Variants in NCALD observed in about 807,000 individuals in gnomAD.
The protein encoded by NCALD is neurocalcin-delta.
In NCALD, 10 loss-of-function variants were observed where a neutral mutation model predicts 18.6. The ratio of observed to expected loss-of-function variants is 0.54; its 90% CI spans 0.33 to 0.91. NCALD has a LOEUF of 0.91. NCALD is among the 40% of genes least tolerant of loss of function. The pLI is 0.03. For missense variants in NCALD, 184 were observed against 247.6 expected (o/e 0.74, Z 1.72); for synonymous variants, 88 against 87.4 (o/e 1.01, Z -0.04).
intron 1 of NCALD, among the ~76,000 whole-genome samples, chr8:102,086,953 A>G (rs944494622): frequency 3.3e-5 from 5 of 152,240 alleles, no homozygotes; most frequent in African/African-American, 1.2e-4. Context: ...GACAGTTTAC[A>G]GATGCCATGG....
At chr8:101,752,573 G>C (rs1810704352) in intron 1 of NCALD, among the ~76,000 whole-genome samples, 1 of 152,124 alleles carries the variant, frequency 6.6e-6, no homozygotes, top group East Asian at 1.9e-4. Flanking sequence ...CAGGAGTGGT[G>C]GTCAAATAAC....
intron 4 of NCALD, among the ~76,000 whole-genome samples, chr8:101,841,504 A>G (rs1162667476): frequency 6.6e-6 from 1 of 152,164 alleles, no homozygotes; most frequent in African/African-American, 2.4e-5. Flanking sequence ...AGGTGCCAAT[A>G]GCAACTCCCC....
chr8:101,723,157 A>G (rs9297308), intron 1 of NCALD, among the ~76,000 whole-genome samples: 83,534 of 152,080 alleles, frequency 0.55, 26,500 homozygotes, highest in African/African-American at 0.87. Flanking sequence ...GGAGACAAAA[A>G]TTGCACCTTG....
At chr8:101,717,988 C>G (rs955766786) in intron 2 of NCALD, among the ~76,000 whole-genome samples, 1 of 152,260 alleles carries the variant, frequency 6.6e-6, no homozygotes, top group South Asian at 2.1e-4. Context: ...TTGGAAGTCA[C>G]CTCGGGATGC....
intron 3 of NCALD, among the ~76,000 whole-genome samples, chr8:101,889,862 T>C (rs369382617): frequency 1.3e-5 from 2 of 152,194 alleles, no homozygotes; most frequent in East Asian, 3.8e-4. Context: ...TACCCAAAGA[T>C]TAATTCCAGA....
chr8:101,733,962 G>A (rs1266474225), intron 1 of NCALD, among the ~76,000 whole-genome samples: 4 of 152,194 alleles, frequency 2.6e-5, no homozygotes, highest in Non-Finnish European at 5.9e-5. Context: ...GGGCTGAGGA[G>A]GCTGTGGCTC....
At position 101,688,652 on chromosome 8, in the gene NCALD, C is replaced by A. The variant is rs143664729; in HGVS notation, c.*657G>T. The A allele has an allele frequency of 3.3e-3, 1,505 of 460,978 alleles. 4 individuals are homozygous for A. The highest frequency in any genetic ancestry group is 4.9e-3 in the Middle Eastern group (15 of 3,080). The allele number at this position is 460,978 out of a possible 1,614,324, so 28.6% of individuals were successfully genotyped here. The stretch of plus-strand genomic sequence containing the variant: ...TATGTTACCATTTGTGTTTAATTTC[C>A]AAAGACACGCATATTAGCTCAACTA... On this transcript the variant is annotated 3_prime_UTR_variant, in exon 4 of 4. Coordinates refer to ENST00000220931, the MANE Select transcript of NCALD (RefSeq NM_032041.3).
At chr8:101,755,669 G>A (rs1446792914) in intron 1 of NCALD, among the ~76,000 whole-genome samples, 7 of 152,192 alleles carry the variant, frequency 4.6e-5, no homozygotes, top group African/African-American at 1.7e-4. Flanking sequence ...TAAAAAGCCA[G>A]GGAAATACAT....
chr8:101,690,455 C>T (rs1814674652), intron 3 of NCALD: 1 of 985,474 alleles, frequency 1.0e-6, no homozygotes, highest in Non-Finnish European at 1.2e-6. Flanking sequence ...CTCTGCACGC[C>T]TGTGGGTTTT....
chr8:101,732,055 A>G (rs532531265), intron 1 of NCALD, among the ~76,000 whole-genome samples: 1 of 152,344 alleles, frequency 6.6e-6, no homozygotes, highest in South Asian at 2.1e-4. Flanking sequence ...GCTGGACCAG[A>G]GCAGGCTGCA....
chr8:101,762,849 G>A (rs886772421), intron 1 of NCALD, among the ~76,000 whole-genome samples: 1 of 152,200 alleles, frequency 6.6e-6, no homozygotes, highest in African/African-American at 2.4e-5. Flanking sequence ...TGGGATTACA[G>A]GCATGAGCCA....
chr8:101,966,981 T>C (rs1820055661), intron 2 of NCALD, among the ~76,000 whole-genome samples: 1 of 152,154 alleles, frequency 6.6e-6, no homozygotes, highest in Non-Finnish European at 1.5e-5. Flanking sequence ...AAATAATATA[T>C]ATTCATGATG....
At chr8:101,784,486 T>A (rs763843582) in intron 1 of NCALD, among the ~76,000 whole-genome samples, 20 of 152,162 alleles carry the variant, frequency 1.3e-4, no homozygotes, top group Non-Finnish European at 2.2e-4. Context: ...CACCTCCTGA[T>A]GGAGAGGAGC....
At position 101,725,421 on chromosome 8, in the gene NCALD, G is replaced by A. The variant is rs144044532; in HGVS notation, c.-19-5773C>T. ...TCCCCTTTCCAGCTTCCCTTCTGGT[G>A]AGAGCTGCTTCTACTGCTTAATAAA... is the stretch of plus-strand genomic sequence containing the variant. On this transcript the variant is annotated intron_variant, in intron 1 of 3. Transcript: ENST00000220931. 1.5e-3 allele frequency among the ~76,000 whole-genome samples: 234 copies of A among 152,310 alleles called. 1 individual carries two copies. The highest frequency in any genetic ancestry group is 2.7e-3 in the Non-Finnish European group (181 of 68,032).
intron 2 of NCALD, among the ~76,000 whole-genome samples, chr8:101,928,873 A>C (rs927053771): frequency 3.3e-5 from 5 of 152,148 alleles, no homozygotes; most frequent in African/African-American, 1.2e-4. Flanking sequence ...TATTAGATAC[A>C]AAAACACTGT....
rs563981326 is a variant in NCALD, at chr8:101,690,529, C to T, written c.485-1123G>A. The T allele has an allele frequency of 1.1e-5, 11 of 985,398 alleles. No individual in the cohort carries two copies. The South Asian group carries it at 4.7e-4, about 42-fold the overall frequency. The allele number at this position is 985,398 out of a possible 1,614,324, so 61.0% of individuals were successfully genotyped here. A position where few individuals can be genotyped will look rare whatever the true frequency, so the allele number is the denominator to read the frequency against. On this transcript the variant is annotated intron_variant, in intron 3 of 3. Transcript: ENST00000220931. Reference sequence around the variant, plus strand: ...CCAGTATCTATCTTTTGACCTCTGTCCTCTTTTATTTCTCAACTTACTCCA... The same window carrying T: ...CCAGTATCTATCTTTTGACCTCTGTTCTCTTTTATTTCTCAACTTACTCCA...
At chr8:102,042,949 A>G (rs1823105627) in intron 1 of NCALD, among the ~76,000 whole-genome samples, 1 of 151,874 alleles carries the variant, frequency 6.6e-6, no homozygotes, top group Non-Finnish European at 1.5e-5. Flanking sequence ...GGCTCCCCTT[A>G]TCTTTCCATT....
At chr8:102,116,354 T>G (rs990243550) in intron 1 of NCALD, among the ~76,000 whole-genome samples, 1 of 152,202 alleles carries the variant, frequency 6.6e-6, no homozygotes, top group African/African-American at 2.4e-5. Flanking sequence ...AGGGGCACCG[T>G]AACAGAGTCA....
At chr8:101,704,148 A>G (rs11787002) in intron 2 of NCALD, among the ~76,000 whole-genome samples, 68,837 of 152,032 alleles carry the variant, frequency 0.45, 19,183 homozygotes, top group Non-Finnish European at 0.63. Context: ...ACTGTTTCCA[A>G]GTAATTTAAC....
Sources: allele counts gnomAD v4.1 joint callset (sites outside exome capture counted in the v4.1 genomes callset), GRCh38; gene constraint gnomAD v4.1.1; transcripts MANE v1.5; gene names NCBI Gene and HGNC (gene_info 2026-07-23, HGNC 2026-07-21).